Variants in TECPR2 observed in about 807,000 individuals in gnomAD.
TECPR2 encodes tectonin beta-propeller repeat containing 2.
In TECPR2, 65 loss-of-function variants were observed where a neutral mutation model predicts 138.1. The observed-to-expected ratio is 0.47, with a 90% CI of 0.39 to 0.58. The LOEUF is 0.58. TECPR2 is among the 20% of genes least tolerant of loss of function. The probability of loss-of-function intolerance (pLI) is 0.00; values close to 1 mark genes in which losing one functional copy is unlikely to be tolerated. For missense variants in TECPR2, 1,553 were observed against 1,824.5 expected (o/e 0.85, Z 2.71); for synonymous variants, 746 against 749.8 (o/e 0.99, Z 0.08).
At chr14:102,427,875 T>C (rs1475038242) in intron 6 of TECPR2, among the ~76,000 whole-genome samples, 1 of 152,146 alleles carries the variant, frequency 6.6e-6, no homozygotes, top group African/African-American at 2.4e-5. Flanking sequence ...TGGAGAGAAC[T>C]GGAACTTCCC....
intron 16 of TECPR2, among the ~76,000 whole-genome samples, chr14:102,453,820 C>CA (rs559709458): frequency 0.024 from 1,360 of 55,866 alleles, 18 homozygotes; most frequent in African/African-American, 0.049. Context: ...ATGTACTCAC[C>CA]AAAAAAAAAA....
intron 16 of TECPR2, among the ~76,000 whole-genome samples, chr14:102,463,416 CAAAAAAAAAAAAAA>C (rs550694466): frequency 7.8e-5 from 3 of 38,534 alleles, no homozygotes; most frequent in Non-Finnish European, 1.1e-4. Context: ...GACTCCGTCT[CAAAAAAAAAAAAAA>C]AAAAAAAAAG....
chr14:102,438,243 C>CGCTCGCCGCTCCT (rs751967033), intron 10 of TECPR2, 38 bp downstream of exon 10: 2 of 1,389,814 alleles, frequency 1.4e-6, no homozygotes, highest in African/African-American at 1.4e-5. Context: ...TCCCTGCTCC[C>CGCTCGCCGCTCCT]GCTCGCCGCT....
intron 2 of TECPR2, among the ~76,000 whole-genome samples, chr14:102,399,504 G>T (rs1339688758): frequency 6.6e-6 from 1 of 152,102 alleles, no homozygotes; most frequent in Non-Finnish European, 1.5e-5. Context: ...GAAATTAAAG[G>T]ATATTAAACA....
intron 2 of TECPR2, among the ~76,000 whole-genome samples, chr14:102,379,929 AGGCACCC>A (rs1887755016): frequency 6.7e-6 from 1 of 149,390 alleles, no homozygotes; most frequent in Non-Finnish European, 1.5e-5. Context: ...CCATGCACAG[AGGCACCC>A]TAGTCACACT....
At chr14:102,365,061 A>G (rs562359085) in intron 1 of TECPR2, among the ~76,000 whole-genome samples, 41 of 152,318 alleles carry the variant, frequency 2.7e-4, no homozygotes, top group African/African-American at 9.1e-4. Context: ...TAAGAGTTCT[A>G]TTGACTTTTT....
rs1476929453 is a variant in TECPR2, at chr14:102,449,825, C to G, written c.3272C>G (p.Ser1091Cys). The change falls in exon 14 of 20, where the codon TCC (serine) becomes TGC (cysteine). Residue 1091 changes from serine (S) to cysteine (C), a missense_variant. Coordinates refer to ENST00000359520, the MANE Select transcript of TECPR2 (RefSeq NM_014844.5). ...LGVNNSGVWI[S>C]SGKNEFHVAK... ...GTCAATAACAGCGGTGTCTGGATCT[C>G]CTCGGGCAAGAATGAATTCCACGTC... 6.2e-7 allele frequency: 1 copy of G among 1,614,122 alleles called. No homozygotes were observed. The highest frequency in any genetic ancestry group is 1.7e-5 in the Admixed American group (1 of 60,018).
chr14:102,447,094 C>G (rs1159417935), intron 13 of TECPR2, among the ~76,000 whole-genome samples: 2 of 152,212 alleles, frequency 1.3e-5, no homozygotes, highest in Non-Finnish European at 2.9e-5. Flanking sequence ...AGGGTATAAT[C>G]AAGCTCACTG....
chr14:102,406,026 T>G (rs1888648524), intron 2 of TECPR2, among the ~76,000 whole-genome samples: 1 of 148,538 alleles, frequency 6.7e-6, no homozygotes, highest in Admixed American at 6.8e-5. Context: ...AAAAGAGTAG[T>G]CAAAATCATA....
At position 102,490,877 on chromosome 14, in the gene TECPR2, T is replaced by A. The variant is rs149831444; in HGVS notation, c.3790-6102T>A. 1.7e-4 allele frequency among the ~76,000 whole-genome samples: 26 copies of A among 152,282 alleles called. No homozygotes were observed. The East Asian group carries it at 4.8e-3, about 28-fold the overall frequency. ...CTCAGACGACATGTGCTAGTTCATA[T>A]CTCTCCTCTTTTTTTGTTTTTTTGG... On this transcript the variant is annotated intron_variant, in intron 17 of 19. Transcript: ENST00000359520.
chr14:102,368,083 C>T (rs1217880326), intron 1 of TECPR2, among the ~76,000 whole-genome samples: 4 of 135,026 alleles, frequency 3.0e-5, no homozygotes, highest in Non-Finnish European at 6.1e-5. Flanking sequence ...TCTTGGCTCA[C>T]TACAACCTCC....
intron 17 of TECPR2, among the ~76,000 whole-genome samples, chr14:102,477,808 G>A (rs1206636353): frequency 2.1e-5 from 3 of 139,786 alleles, no homozygotes; most frequent in East Asian, 2.2e-4. Flanking sequence ...GGTGGCGGGC[G>A]CCTGTAGTCC....
rs77092091 is a variant in TECPR2 at position 102,408,403 on chromosome 14, T to C, written c.349-85T>C. 47,262 of 1,427,022 alleles carry C rather than the reference T, an allele frequency of 0.033. 889 individuals are homozygous for C. Among genetic ancestry groups the C allele is most frequent in the Middle Eastern group, 0.054 (279 of 5,214 alleles). 88.4% of individuals were successfully genotyped at this position (1,427,022 alleles called of 1,614,324 possible). A position where few individuals can be genotyped will look rare whatever the true frequency, so the allele number is the denominator to read the frequency against. ...AAACCAGCTCTTCCCTAACTAGGAG[T>C]GATTGTATACCTTTTCCATGTAGCC... is the stretch of plus-strand genomic sequence containing the variant. On this transcript the variant is annotated intron_variant, in intron 3 of 19. Coordinates refer to ENST00000359520, the MANE Select transcript of TECPR2 (RefSeq NM_014844.5).
Position 102,499,528 on chromosome 14 carries a change from G to T in TECPR2, c.*1271G>T. On this transcript the variant is annotated 3_prime_UTR_variant, in exon 20 of 20. Coordinates refer to ENST00000359520, the MANE Select transcript of TECPR2 (RefSeq NM_014844.5). ...GGCAGGGCGGTCACGGGACCTGCGG[G>T]CTGGCTCCGAGTGGCAGCCCATGCC... 4 of 420,098 alleles carry T rather than the reference G, an allele frequency of 9.5e-6. No individual in the cohort carries two copies. Among genetic ancestry groups the T allele is most frequent in the South Asian group, 7.8e-5 (3 of 38,452 alleles). The allele number at this position is 420,098 out of a possible 1,614,324, so 26.0% of individuals were successfully genotyped here. A position where few individuals can be genotyped will look rare whatever the true frequency, so the allele number is the denominator to read the frequency against.
chr14:102,372,166 G>T (rs1284064912), intron 1 of TECPR2, among the ~76,000 whole-genome samples: 3 of 152,066 alleles, frequency 2.0e-5, no homozygotes, highest in African/African-American at 7.2e-5. Flanking sequence ...TCCCAGGCTG[G>T]TCTCAAATTT....
At chr14:102,391,982 TTTTTGTTTTG>T (rs553999170) in intron 2 of TECPR2, among the ~76,000 whole-genome samples, 1 of 152,078 alleles carries the variant, frequency 6.6e-6, no homozygotes, top group African/African-American at 2.4e-5. Context: ...TTTTGTTTGT[TTTTTGTTTTG>T]TTTTGTTTTG....
At chr14:102,447,638 G>A (rs1220901570) in intron 13 of TECPR2, among the ~76,000 whole-genome samples, 3 of 151,848 alleles carry the variant, frequency 2.0e-5, no homozygotes, top group South Asian at 4.2e-4. Context: ...GGGTTCAAGC[G>A]ATTCTCCTGC....
intron 2 of TECPR2, among the ~76,000 whole-genome samples, chr14:102,385,727 A>G (rs1357548010): frequency 1.3e-5 from 2 of 151,776 alleles, no homozygotes; most frequent in Non-Finnish European, 2.9e-5. Context: ...TGAGCTCAGG[A>G]GTTCGAGACT....
chr14:102,451,814 T>A (rs1005259800), intron 15 of TECPR2, among the ~76,000 whole-genome samples: 16 of 152,314 alleles, frequency 1.1e-4, no homozygotes, highest in East Asian at 3.9e-4. Flanking sequence ...AGGACTTTTT[T>A]AAAATGCTGT....
Sources: allele counts gnomAD v4.1 joint callset (sites outside exome capture counted in the v4.1 genomes callset), GRCh38; gene constraint gnomAD v4.1.1; transcripts MANE v1.5; gene names NCBI Gene and HGNC (gene_info 2026-07-23, HGNC 2026-07-21).